HUWE1: variants seen among roughly 807,000 people sequenced by gnomAD.
HUWE1 encodes E3 ubiquitin-protein ligase HUWE1.
A neutral mutation model predicts 299.4 loss-of-function variants in HUWE1; 18 were observed. The ratio of observed to expected loss-of-function variants is 0.06; its 90% CI spans 0.04 to 0.09. HUWE1 has a LOEUF of 0.09. Among genes scored for constraint, HUWE1 ranks in the 10% least tolerant of loss-of-function variants. The pLI is 1.00. For missense variants in HUWE1, 1,832 were observed against 3,462.3 expected (o/e 0.53, Z 11.82); for synonymous variants, 1,317 against 1,286.1 (o/e 1.02, Z -0.51).
At chrX:53,578,820 C>T (rs1556962934) in intron 43 of HUWE1, among the ~76,000 whole-genome samples, 2 of 81,941 alleles carry the variant, frequency 2.4e-5, no homozygotes, top group Admixed American at 1.2e-4. Flanking sequence ...GGGTCAGCCC[C>T]CCGCCCGGCC....
intron 73 of HUWE1, among the ~76,000 whole-genome samples, chrX:53,543,231 GGACA>G (rs2061423645): frequency 1.8e-5 from 2 of 110,641 alleles, no homozygotes; most frequent in South Asian, 7.7e-4. Context: ...CATGTTGCAA[GGACA>G]GGAAAACAAT....
In HUWE1 at chrX:53,573,698, C is replaced by T. The variant is rs1657733920; in HGVS notation, c.6312+52G>A. On this transcript the variant is annotated intron_variant, in intron 47 of 83. Coordinates refer to ENST00000262854, the MANE Select transcript of HUWE1 (RefSeq NM_031407.7). The stretch of plus-strand genomic sequence containing the variant: ...CAGCAGTGTCTGACACAGGCGGTAC[C>T]CAAATGATGGAAGTACAGTGTAACA... 9.8e-6 allele frequency: 10 copies of T among 1,024,227 alleles called. No individual in the cohort carries two copies. In the Middle Eastern group the frequency reaches 7.7e-4, roughly 79 times the overall value. The allele number at this position is 1,024,227 out of a possible 1,213,427, so 84.4% of individuals were successfully genotyped here.
At chrX:53,618,565 CT>C (rs1158947305) in intron 19 of HUWE1, among the ~76,000 whole-genome samples, 1,693 of 88,823 alleles carry the variant, frequency 0.019, 44 homozygotes, top group Admixed American at 0.057. Flanking sequence ...TAAGAATTTT[CT>C]TTTTTTTTTT....
At chrX:53,578,698 T>C (rs1175560101) in intron 43 of HUWE1, among the ~76,000 whole-genome samples, 20 of 60,580 alleles carry the variant, frequency 3.3e-4, no homozygotes, top group African/African-American at 6.7e-4. Flanking sequence ...GCCCCCCGCC[T>C]GGCCAGCCGC....
chrX:53,677,032 C>G (rs1255491529), intron 3 of HUWE1, among the ~76,000 whole-genome samples: 1 of 107,026 alleles, frequency 9.3e-6, no homozygotes, highest in Non-Finnish European at 1.9e-5. Flanking sequence ...TTAATGGATC[C>G]AAAAAATTCA....
chrX:53,556,480 T>C (rs1395619344), intron 60 of HUWE1: 2 of 297,195 alleles, frequency 6.7e-6, no homozygotes, highest in African/African-American at 2.9e-5. Flanking sequence ...GTACAATCAT[T>C]TTCCAACTCA....
chrX:53,610,551 T>C (rs1300224683), intron 23 of HUWE1, among the ~76,000 whole-genome samples: 1 of 111,798 alleles, frequency 8.9e-6, no homozygotes, highest in Non-Finnish European at 1.9e-5. Flanking sequence ...CAAACTCTGG[T>C]CAATTTTCAG....
At chrX:53,678,342 A>G (rs1183670205) in intron 3 of HUWE1, among the ~76,000 whole-genome samples, 1 of 111,879 alleles carries the variant, frequency 8.9e-6, no homozygotes, top group Admixed American at 9.5e-5. Context: ...AACACCACCT[A>G]TGAAACATCA....
intron 42 of HUWE1, 109 bp downstream of exon 42, chrX:53,583,449 T>C: frequency 6.7e-6 from 4 of 592,653 alleles, no homozygotes; most frequent in Non-Finnish European, 1.2e-5. Flanking sequence ...ACAGTATACA[T>C]ATCTAGCTAT....
intron 3 of HUWE1, among the ~76,000 whole-genome samples, chrX:53,661,057 T>C (rs1379517476): frequency 3.9e-5 from 4 of 103,467 alleles, no homozygotes; most frequent in Non-Finnish European, 7.9e-5. Flanking sequence ...TTTTTTGAGA[T>C]GGAGTCTTGC....
chrX:53,655,398 T>A (rs1034844520), intron 3 of HUWE1, among the ~76,000 whole-genome samples: 3 of 111,533 alleles, frequency 2.7e-5, no homozygotes, highest in Non-Finnish European at 5.7e-5. Context: ...CAAGGAAGAG[T>A]TTGTGAAAAA....
chrX:53,660,864 G>A (rs2068963890), intron 3 of HUWE1, among the ~76,000 whole-genome samples: 2 of 97,333 alleles, frequency 2.1e-5, no homozygotes, highest in African/African-American at 3.4e-5. Flanking sequence ...GAATTCATAT[G>A]ATATTTTTTC....
At chrX:53,668,478 C>T (rs143419858) in intron 3 of HUWE1, among the ~76,000 whole-genome samples, 1,484 of 108,546 alleles carry the variant, frequency 0.014, 26 homozygotes, top group African/African-American at 0.047. Context: ...TGAAGACTAC[C>T]ACTGGAAGAA....
chrX:53,626,869 T>C lies in HUWE1; in HGVS notation c.1489+541A>G, dbSNP rs7886329. Among the ~76,000 whole-genome samples, 790 of 111,642 alleles carry C rather than the reference T, an allele frequency of 7.1e-3. 2 individuals carry two copies. The highest frequency in any genetic ancestry group is 0.025 in the African/African-American group (757 of 30,681). ...TTTCGTAAAGACAAGATTTTTGCCA[T>C]GTTGCCCAGGCTGGCCTCGAACCCC... On this transcript the variant is annotated intron_variant, in intron 17 of 83. Coordinates refer to ENST00000262854, the MANE Select transcript of HUWE1 (RefSeq NM_031407.7).
At chrX:53,557,868 C>T (rs1475947426) in intron 59 of HUWE1, among the ~76,000 whole-genome samples, 1 of 111,578 alleles carries the variant, frequency 9.0e-6, no homozygotes, top group African/African-American at 3.3e-5. Flanking sequence ...GTAAAAAGTT[C>T]TATATAAAGA....
chrX:53,544,333 C>A (rs1556920952), intron 72 of HUWE1, among the ~76,000 whole-genome samples: 2 of 111,771 alleles, frequency 1.8e-5, no homozygotes, highest in Non-Finnish European at 3.8e-5. Flanking sequence ...AACTTCCCTG[C>A]CAGATTTCCA....
intron 43 of HUWE1, 64 bp from the exon 44 acceptor site, chrX:53,577,131 TAAAG>T: frequency 1.5e-5 from 13 of 872,745 alleles, no homozygotes; most frequent in Non-Finnish European, 2.2e-5. Flanking sequence ...AGGTTACTAA[TAAAG>T]ACTCAGAAGG....
intron 33 of HUWE1, among the ~76,000 whole-genome samples, chrX:53,591,440 A>G (rs2064154981): frequency 9.0e-6 from 1 of 111,694 alleles, no homozygotes; most frequent in Non-Finnish European, 1.9e-5. Context: ...AGAAGTATAA[A>G]TTGGTCCCAA....
intron 66 of HUWE1, 68 bp from the exon 67 acceptor site, chrX:53,549,573 G>T (rs1347990962): frequency 2.1e-6 from 2 of 950,222 alleles, no homozygotes; most frequent in Admixed American, 4.8e-5. Context: ...GCATAAGAAT[G>T]GGGGAGGGGA....
Sources: allele counts gnomAD v4.1 joint callset (sites outside exome capture counted in the v4.1 genomes callset), GRCh38; gene constraint gnomAD v4.1.1; transcripts MANE v1.5; gene names NCBI Gene and HGNC (gene_info 2026-07-23, HGNC 2026-07-21).